THSD7B: variants seen among roughly 807,000 people sequenced by gnomAD.
THSD7B encodes the protein thrombospondin type 1 domain containing 7B.
Under a neutral mutation model 213.6 loss-of-function variants are expected in THSD7B, and 138 were observed. That is an observed-to-expected ratio of 0.65 (90% CI 0.56 to 0.74). The LOEUF is 0.74. Ranked by LOEUF, THSD7B falls within the 30% of genes least tolerant of loss-of-function variation. The probability of loss-of-function intolerance (pLI) is 0.00; values close to 1 mark genes in which losing one functional copy is unlikely to be tolerated. For synonymous variants in THSD7B, 742 were observed against 687.0 expected, an observed-to-expected ratio of 1.08 and a Z score of -1.25; for missense variants, 1,931 against 1,991.5, an observed-to-expected ratio of 0.97 and a Z score of 0.58.
chr2:137,638,411 A>G (rs547594866), intron 20 of THSD7B, among the ~76,000 whole-genome samples: 2 of 151,554 alleles, frequency 1.3e-5, no homozygotes, highest in Non-Finnish European at 2.9e-5. Context: ...AGTGCCTTTC[A>G]CCTCCCACCA....
intron 24 of THSD7B, among the ~76,000 whole-genome samples, chr2:137,657,548 A>G (rs2104818223): frequency 6.6e-6 from 1 of 152,334 alleles, no homozygotes; most frequent in Non-Finnish European, 1.5e-5. Flanking sequence ...AGAAGTTGAA[A>G]CTAAAGAGGT....
intron 4 of THSD7B, among the ~76,000 whole-genome samples, chr2:137,108,373 C>T (rs1460447124): frequency 6.6e-6 from 1 of 152,220 alleles, no homozygotes; most frequent in Non-Finnish European, 1.5e-5. Context: ...AATGTGCCTA[C>T]TTTTCTAATT....
At chr2:137,565,011 T>C (rs771332004) in intron 16 of THSD7B, among the ~76,000 whole-genome samples, 2 of 152,090 alleles carry the variant, frequency 1.3e-5, no homozygotes, top group South Asian at 4.1e-4. Flanking sequence ...CCATTCTAAC[T>C]GGTGGCCTTA....
intron 1 of THSD7B, among the ~76,000 whole-genome samples, chr2:136,829,825 C>CA (rs1044485383): frequency 1.3e-5 from 2 of 152,164 alleles, no homozygotes; most frequent in Admixed American, 6.6e-5. Context: ...GAAGCATATA[C>CA]ATTCCATCTA....
At chr2:137,281,544 G>A (rs1478080998) in intron 12 of THSD7B, among the ~76,000 whole-genome samples, 4 of 151,644 alleles carry the variant, frequency 2.6e-5, no homozygotes, top group Admixed American at 2.0e-4. Flanking sequence ...ATCTCCCAAT[G>A]CTATCCCCCC....
intron 17 of THSD7B, among the ~76,000 whole-genome samples, chr2:137,604,931 A>G (rs1447569737): frequency 1.3e-5 from 2 of 152,202 alleles, no homozygotes; most frequent in Non-Finnish European, 2.9e-5. Context: ...GGATTTCTAA[A>G]TCATTACTTT....
intron 2 of THSD7B, among the ~76,000 whole-genome samples, chr2:136,924,154 A>G (rs1322778052): frequency 2.0e-5 from 3 of 152,050 alleles, no homozygotes; most frequent in Non-Finnish European, 2.9e-5. Flanking sequence ...TCTGTCACCA[A>G]GGGTGCAACC....
chr2:136,804,551 C>G (rs2104924994), intron 1 of THSD7B, among the ~76,000 whole-genome samples: 1 of 152,132 alleles, frequency 6.6e-6, no homozygotes, highest in Admixed American at 6.5e-5. Context: ...ATATGAATAT[C>G]AAAGTTTAGC....
At chr2:136,854,527 T>A (rs1683149782) in intron 1 of THSD7B, among the ~76,000 whole-genome samples, 1 of 152,016 alleles carries the variant, frequency 6.6e-6, no homozygotes, top group Non-Finnish European at 1.5e-5. Context: ...CCCCCAGCTC[T>A]GTTCCATCCC....
At position 136,853,711 on chromosome 2, in the gene THSD7B, A is replaced by G. The variant is rs569172162; in HGVS notation, c.-35-28433A>G. 4.6e-5 allele frequency among the ~76,000 whole-genome samples: 7 copies of G among 152,220 alleles called. No individual in the cohort carries two copies. In the South Asian group the frequency reaches 1.5e-3, roughly 32 times the overall value. ...ATGACTCTTTCTTGAATTAACTACC[A>G]CTATTGTAATTGCCAAATGGTGATT... On this transcript the variant is annotated intron_variant, in intron 1 of 27. Transcript: ENST00000409968.
chr2:137,529,928 T>G (rs1303013858), intron 15 of THSD7B, among the ~76,000 whole-genome samples: 1 of 152,082 alleles, frequency 6.6e-6, no homozygotes, highest in African/African-American at 2.4e-5. Context: ...AAAATGCCTT[T>G]TAAGTAGCAT....
intron 1 of THSD7B, among the ~76,000 whole-genome samples, chr2:136,810,095 C>T (rs1007392032): frequency 8.5e-5 from 13 of 152,048 alleles, no homozygotes; most frequent in South Asian, 2.1e-4. Flanking sequence ...TAGGAGACTC[C>T]GGGTAGTTAA....
chr2:137,338,839 CAA>C (rs1684697549), intron 12 of THSD7B, among the ~76,000 whole-genome samples: 1 of 151,956 alleles, frequency 6.6e-6, no homozygotes, highest in Non-Finnish European at 1.5e-5. Context: ...TGGAGAAAGA[CAA>C]AGACAAAGGA....
chr2:137,432,215 AC>A (rs1350377358), intron 14 of THSD7B, among the ~76,000 whole-genome samples: 14 of 152,018 alleles, frequency 9.2e-5, no homozygotes, highest in Non-Finnish European at 1.8e-4. Context: ...ACGTGGTGAA[AC>A]CCCGTTTCTA....
intron 1 of THSD7B, among the ~76,000 whole-genome samples, chr2:136,843,113 T>G (rs1484925597): frequency 6.6e-6 from 1 of 150,456 alleles, no homozygotes; most frequent in Non-Finnish European, 1.5e-5. Context: ...TTTTGCTTCC[T>G]TCCTTTGCTT....
At chr2:137,569,148 G>T (rs2105231025) in intron 16 of THSD7B, among the ~76,000 whole-genome samples, 1 of 152,214 alleles carries the variant, frequency 6.6e-6, no homozygotes, top group Non-Finnish European at 1.5e-5. Flanking sequence ...GGAGAAAGGG[G>T]TCACCCAAAG....
intron 12 of THSD7B, among the ~76,000 whole-genome samples, chr2:137,282,891 C>CT (rs1182298736): frequency 2.6e-5 from 4 of 152,094 alleles, no homozygotes; most frequent in Admixed American, 6.5e-5. Flanking sequence ...AATGTGGGCT[C>CT]TTTTTTGGTT....
intron 15 of THSD7B, among the ~76,000 whole-genome samples, chr2:137,475,904 A>T (rs1688181867): frequency 1.3e-5 from 2 of 152,150 alleles, no homozygotes; most frequent in Admixed American, 1.3e-4. Context: ...ATCGTTTTCC[A>T]TAGTTGCTTT....
At chr2:136,815,163 TAGAAG>T (rs1354338659) in intron 1 of THSD7B, among the ~76,000 whole-genome samples, 1 of 152,222 alleles carries the variant, frequency 6.6e-6, no homozygotes, top group Non-Finnish European at 1.5e-5. Context: ...TAAAGGAACT[TAGAAG>T]GGAAGTGTAA....
Sources: allele counts gnomAD v4.1 joint callset (sites outside exome capture counted in the v4.1 genomes callset), GRCh38; gene constraint gnomAD v4.1.1; transcripts MANE v1.5; gene names NCBI Gene and HGNC (gene_info 2026-07-23, HGNC 2026-07-21).